Variants in KCNAB1 observed in about 807,000 individuals in gnomAD.
KCNAB1 encodes the protein voltage-gated potassium channel subunit beta-1.
Under a neutral mutation model 64.6 loss-of-function variants are expected in KCNAB1, and 35 were observed. The ratio of observed to expected loss-of-function variants is 0.54; its 90% CI spans 0.41 to 0.72. KCNAB1 has a LOEUF of 0.72. Ranked by LOEUF, KCNAB1 falls within the 30% of genes least tolerant of loss-of-function variation. KCNAB1 has a pLI of 0.00. For missense variants in KCNAB1, 401 were observed against 512.9 expected, an observed-to-expected ratio of 0.78 and a Z score of 2.11; for synonymous variants, 177 against 183.8, an observed-to-expected ratio of 0.96 and a Z score of 0.30.
chr3:156,161,768 ATACT>A (rs960387755), intron 1 of KCNAB1, among the ~76,000 whole-genome samples: 3 of 152,370 alleles, frequency 2.0e-5, no homozygotes, highest in African/African-American at 7.2e-5. Context: ...TGTCTACAAA[ATACT>A]TAAGTATGTG....
intron 1 of KCNAB1, among the ~76,000 whole-genome samples, chr3:156,381,845 G>A (rs1685381253): frequency 6.6e-6 from 1 of 152,202 alleles, no homozygotes; most frequent in Non-Finnish European, 1.5e-5. Context: ...TTTGACACGT[G>A]AAAGGTTCCC....
At chr3:156,394,671 T>C (rs1401784006) in intron 1 of KCNAB1, among the ~76,000 whole-genome samples, 2 of 152,238 alleles carry the variant, frequency 1.3e-5, no homozygotes, top group Non-Finnish European at 2.9e-5. Flanking sequence ...CGTTAAGCTG[T>C]TCTGCCTTCA....
At chr3:156,217,055 T>C (rs1437089753) in intron 1 of KCNAB1, 1 of 152,200 alleles carries the variant, frequency 6.6e-6, no homozygotes, top group African/African-American at 2.4e-5. Context: ...GAGATGAAAT[T>C]AGAGTGTCAA....
chr3:156,427,649 CT>C (rs1346927172), intron 2 of KCNAB1, among the ~76,000 whole-genome samples: 1 of 152,186 alleles, frequency 6.6e-6, no homozygotes, highest in African/African-American at 2.4e-5. Flanking sequence ...CAGCCCAGTT[CT>C]TTGACTTCCT....
chr3:156,331,833 G>A (rs1444471291), intron 1 of KCNAB1, among the ~76,000 whole-genome samples: 4 of 152,142 alleles, frequency 2.6e-5, no homozygotes, highest in African/African-American at 9.7e-5. Context: ...CATGAACCAA[G>A]TTTAGCGGCA....
intron 1 of KCNAB1, among the ~76,000 whole-genome samples, chr3:156,173,851 C>A (rs528960488): frequency 6.6e-6 from 1 of 152,278 alleles, no homozygotes; most frequent in East Asian, 1.9e-4. Context: ...GAGTGGCCAT[C>A]ATCCAATCAG....
At chr3:156,370,116 C>CGA (rs1726207153) in intron 1 of KCNAB1, among the ~76,000 whole-genome samples, 2 of 152,150 alleles carry the variant, frequency 1.3e-5, no homozygotes, top group African/African-American at 4.8e-5. Flanking sequence ...TAAAATTCTC[C>CGA]CTCTTGTGTT....
Position 156,290,115 on chromosome 3 carries a change from A to C in KCNAB1, c.276-131501A>C, listed in dbSNP as rs548830132. 3.3e-3 allele frequency among the ~76,000 whole-genome samples: 499 copies of C among 152,286 alleles called. 2 individuals are homozygous for C. The highest frequency in any genetic ancestry group is 0.012 in the African/African-American group (478 of 41,564). On this transcript the variant is annotated intron_variant, in intron 1 of 13. Transcript: ENST00000490337. ...GTGTGGGGAATGAATCAAAATGAAC[A>C]ACTTTCTCCAGTGTACTTTCTCTAG...
rs567936295 is a variant in KCNAB1, at chr3:156,208,529, A to G, written c.275+87643A>G. Among the ~76,000 whole-genome samples, 3 of 152,296 alleles carry G rather than the reference A, an allele frequency of 2.0e-5. No homozygotes were observed. The East Asian group carries it at 5.8e-4, about 29-fold the overall frequency. On this transcript the variant is annotated intron_variant, in intron 1 of 13. Transcript: ENST00000490337. Reference sequence around the variant, plus strand: ...TCCAAATGACCCCTCTGAGTCACTAACAGACTTGGCTAAGAACATCTCTGA... The same window carrying G: ...TCCAAATGACCCCTCTGAGTCACTAGCAGACTTGGCTAAGAACATCTCTGA...
intron 1 of KCNAB1, among the ~76,000 whole-genome samples, chr3:156,181,066 T>A (rs572811813): frequency 6.6e-6 from 1 of 152,302 alleles, no homozygotes; most frequent in South Asian, 2.1e-4. Context: ...TGTGTCTGTA[T>A]TGTAACCTCC....
At chr3:156,272,541 C>A (rs1047115226) in intron 1 of KCNAB1, among the ~76,000 whole-genome samples, 6 of 152,040 alleles carry the variant, frequency 3.9e-5, no homozygotes, top group Non-Finnish European at 8.8e-5. Flanking sequence ...TCCCTTAAGA[C>A]CCAGGGGCTT....
At chr3:156,440,284 G>A (rs561872252) in intron 2 of KCNAB1, among the ~76,000 whole-genome samples, 1 of 152,264 alleles carries the variant, frequency 6.6e-6, no homozygotes, top group Admixed American at 6.5e-5. Flanking sequence ...CTAAATTTCT[G>A]GATAACTTTG....
At chr3:156,392,479 G>A (rs1286540350) in intron 1 of KCNAB1, among the ~76,000 whole-genome samples, 1 of 152,152 alleles carries the variant, frequency 6.6e-6, no homozygotes, top group Non-Finnish European at 1.5e-5. Flanking sequence ...TGATGCTTAT[G>A]CTTTCTACTC....
intron 1 of KCNAB1, among the ~76,000 whole-genome samples, chr3:156,241,780 G>A (rs1402770281): frequency 1.3e-5 from 2 of 150,964 alleles, no homozygotes; most frequent in Non-Finnish European, 3.0e-5. Context: ...CCTTTTTCTT[G>A]GTTTGTTTCT....
intron 2 of KCNAB1, among the ~76,000 whole-genome samples, chr3:156,451,886 CT>C (rs983199843): frequency 6.6e-6 from 1 of 152,138 alleles, no homozygotes; most frequent in Non-Finnish European, 1.5e-5. Flanking sequence ...GCTGTCACCT[CT>C]TCTAGGAAGT....
At chr3:156,215,820 T>C (rs1715282115) in intron 1 of KCNAB1, 1 of 152,176 alleles carries the variant, frequency 6.6e-6, no homozygotes, top group Non-Finnish European at 1.5e-5. Flanking sequence ...AGGATTCATA[T>C]AGAATGGGTG....
intron 8 of KCNAB1, among the ~76,000 whole-genome samples, chr3:156,501,458 C>T (rs1716402189): frequency 9.2e-6 from 1 of 108,326 alleles, no homozygotes; most frequent in Admixed American, 1.4e-4. Flanking sequence ...TGAGAGGAGT[C>T]TCGCTCTGTT....
intron 1 of KCNAB1, chr3:156,176,200 A>T (rs1712361079): frequency 1.3e-6 from 1 of 777,690 alleles, no homozygotes. Context: ...ACTTAAGGTC[A>T]GGCCAGTCAC....
intron 8 of KCNAB1, among the ~76,000 whole-genome samples, chr3:156,491,284 A>G (rs1715611429): frequency 6.6e-6 from 1 of 152,142 alleles, no homozygotes; most frequent in Admixed American, 6.6e-5. Flanking sequence ...GCAGGCACAG[A>G]AAGTGACCAG....
Sources: allele counts gnomAD v4.1 joint callset (sites outside exome capture counted in the v4.1 genomes callset), GRCh38; gene constraint gnomAD v4.1.1; transcripts MANE v1.5; gene names NCBI Gene and HGNC (gene_info 2026-07-23, HGNC 2026-07-21).